PLEKHA2: variants seen among roughly 807,000 people sequenced by gnomAD.
PLEKHA2 encodes pleckstrin homology domain-containing family A member 2.
PLEKHA2 carries 28 observed loss-of-function variants against 53.2 expected under a neutral mutation model. That is an observed-to-expected ratio of 0.53 (90% CI 0.39 to 0.72). The LOEUF is 0.72. PLEKHA2 is among the 30% of genes least tolerant of loss of function. The pLI, the probability that PLEKHA2 is intolerant of heterozygous loss-of-function variation, is 0.00. For missense variants in PLEKHA2, 426 were observed against 537.9 expected (o/e 0.79, Z 2.06); for synonymous variants, 193 against 196.4 (o/e 0.98, Z 0.14).
chr8:38,908,218 C>T (rs1484330352), intron 1 of PLEKHA2, among the ~76,000 whole-genome samples: 1 of 152,090 alleles, frequency 6.6e-6, no homozygotes, highest in South Asian at 2.1e-4. Context: ...TTCTTAAGAC[C>T]AGAGAGCAAG....
chr8:38,909,958 A>C (rs1184045131), intron 1 of PLEKHA2, among the ~76,000 whole-genome samples: 1 of 140,842 alleles, frequency 7.1e-6, no homozygotes, highest in African/African-American at 2.6e-5. Flanking sequence ...TCATTAAAAT[A>C]CTTTTTTTTT....
chr8:38,915,851 C>T (rs140199153), intron 1 of PLEKHA2, among the ~76,000 whole-genome samples: 1 of 152,056 alleles, frequency 6.6e-6, no homozygotes, highest in African/African-American at 2.4e-5. Flanking sequence ...AATTTTTGTG[C>T]GTACGTAGTA....
At chr8:38,947,343 A>G (rs1470649513) in intron 5 of PLEKHA2, among the ~76,000 whole-genome samples, 1 of 152,068 alleles carries the variant, frequency 6.6e-6, no homozygotes, top group Admixed American at 6.5e-5. Flanking sequence ...CCAGCTACTC[A>G]GGAGGCTGAG....
At position 38,946,149 on chromosome 8, in the gene PLEKHA2, T is replaced by C. The variant is rs764754859; in HGVS notation, c.273T>C (p.Tyr91=). ...TTATCAATGCCCTGTCTCAGAGATA[T>C]TTCCTTCAAGCCAATGATCAGAAAG... ...CFVINALSQR[Y]FLQANDQKDM... Residue 91 remains tyrosine (Y), a synonymous_variant, in exon 5 of 12, where the codon TAT becomes TAC. Transcript: ENST00000617275. 11 of 1,608,374 alleles carry C rather than the reference T, an allele frequency of 6.8e-6. No homozygotes were observed. The highest frequency in any genetic ancestry group is 1.1e-5 in the South Asian group (1 of 89,732).
chr8:38,942,770 A>G lies in PLEKHA2; in HGVS notation c.199-1019A>G, dbSNP rs1353519852. On this transcript the variant is annotated intron_variant, in intron 3 of 11. Coordinates refer to ENST00000617275, the MANE Select transcript of PLEKHA2 (RefSeq NM_021623.2). ...TTGAGCCTGAATGATGAGAGTTCAC[A>G]TATGCAGATACTCAGGAGTGTACAT... Among the ~76,000 whole-genome samples, 5 of 152,312 alleles carry G rather than the reference A, an allele frequency of 3.3e-5. 1 individual carries two copies. In the South Asian group the frequency reaches 8.3e-4, roughly 25 times the overall value.
chr8:38,907,932 T>G (rs1293254774), intron 1 of PLEKHA2, among the ~76,000 whole-genome samples: 1 of 152,012 alleles, frequency 6.6e-6, no homozygotes, highest in African/African-American at 2.4e-5. Context: ...TTGGCTCAAC[T>G]GCAACCTCCA....
intron 1 of PLEKHA2, among the ~76,000 whole-genome samples, chr8:38,911,335 C>T (rs773499167): frequency 6.6e-6 from 1 of 151,964 alleles, no homozygotes; most frequent in Non-Finnish European, 1.5e-5. Flanking sequence ...CTCCCAGGTT[C>T]AAGCAATTCT....
intron 10 of PLEKHA2, among the ~76,000 whole-genome samples, chr8:38,966,516 G>A (rs781750558): frequency 7.9e-5 from 12 of 152,308 alleles, no homozygotes; most frequent in South Asian, 6.2e-4. Context: ...ATGTAACACC[G>A]GGTGGGGCCC....
chr8:38,948,449 T>C (rs1448911902), intron 5 of PLEKHA2, among the ~76,000 whole-genome samples: 2 of 152,154 alleles, frequency 1.3e-5, no homozygotes, highest in Non-Finnish European at 2.9e-5. Context: ...CACTGAATGG[T>C]GGCCCAGAGA....
chr8:38,946,237 T>C lies in PLEKHA2; in HGVS notation c.345+16T>C, dbSNP rs377082190. On this transcript the variant is annotated intron_variant, in intron 5 of 11. Transcript: ENST00000617275. ...CAAGATCACCGTAAGTTTGGTTTCT[T>C]CTGTTTTCTGGTGGTAGTAAAAGTG... is the stretch of plus-strand genomic sequence containing the variant. The C allele has an allele frequency of 4.4e-5, 69 of 1,577,828 alleles. No individual in the cohort carries two copies. The highest frequency in any genetic ancestry group is 5.5e-5 in the Non-Finnish European group (64 of 1,159,166).
intron 4 of PLEKHA2, among the ~76,000 whole-genome samples, chr8:38,944,053 A>G (rs576953754): frequency 3.3e-5 from 5 of 151,500 alleles, no homozygotes; most frequent in Admixed American, 3.3e-4. Flanking sequence ...GACTAGTAAC[A>G]TTTCTGTTTT....
At chr8:38,917,431 T>C (rs1293909521) in intron 1 of PLEKHA2, among the ~76,000 whole-genome samples, 1 of 152,206 alleles carries the variant, frequency 6.6e-6, no homozygotes, top group Non-Finnish European at 1.5e-5. Context: ...TGCGAGCCAC[T>C]TCACAAGGTT....
intron 1 of PLEKHA2, among the ~76,000 whole-genome samples, chr8:38,913,705 G>A (rs943287728): frequency 3.3e-5 from 5 of 152,314 alleles, no homozygotes; most frequent in Non-Finnish European, 7.4e-5. Flanking sequence ...TTGTTCCTCC[G>A]TCATCCAGGG....
chr8:38,961,330 A>G (rs1835036092), intron 10 of PLEKHA2, among the ~76,000 whole-genome samples: 1 of 152,106 alleles, frequency 6.6e-6, no homozygotes, highest in Admixed American at 6.6e-5. Context: ...TGAGGTCAGG[A>G]GTTCGAGGTC....
At chr8:38,942,961 G>T (rs890970418) in intron 3 of PLEKHA2, among the ~76,000 whole-genome samples, 1 of 152,202 alleles carries the variant, frequency 6.6e-6, no homozygotes, top group Non-Finnish European at 1.5e-5. Context: ...AGGCCATCAG[G>T]GCAGATGTAA....
Position 38,922,308 on chromosome 8 carries a change from G to A in PLEKHA2, c.141+4238G>A, listed in dbSNP as rs11989858. ...TCGTGTGGCTTAGTTTTTTATCATAGTGTTTCCAGCATTTGATGAATATGT... is the reference window on the plus strand; with the variant it reads ...TCGTGTGGCTTAGTTTTTTATCATAATGTTTCCAGCATTTGATGAATATGT... On this transcript the variant is annotated intron_variant, in intron 2 of 11. Coordinates refer to ENST00000617275, the MANE Select transcript of PLEKHA2 (RefSeq NM_021623.2). The surrounding 1 kb of genome is among the most constrained non-coding windows in gnomAD (Gnocchi z 4.0). Among the ~76,000 whole-genome samples the A allele has an allele frequency of 9.6e-3, 1,469 of 152,274 alleles. 29 individuals carry two copies. The highest frequency in any genetic ancestry group is 0.034 in the African/African-American group (1,392 of 41,552).
chr8:38,966,849 T>G (rs1588281467), intron 10 of PLEKHA2, among the ~76,000 whole-genome samples: 1 of 152,134 alleles, frequency 6.6e-6, no homozygotes. Context: ...TACATGAATA[T>G]ATTGCCTTTT....
chr8:38,950,938 C>T lies in PLEKHA2; in HGVS notation c.434C>T (p.Ala145Val), dbSNP rs1564144322. 1.9e-6 allele frequency: 3 copies of T among 1,613,866 alleles called. No individual in the cohort carries two copies. The highest frequency in any genetic ancestry group is 2.5e-6 in the Non-Finnish European group (3 of 1,179,888). Residue 145 changes from alanine to valine, a missense_variant, in exon 6 of 12, where the codon GCC becomes GTC. Transcript: ENST00000617275. Reference protein sequence around the residue: ...PPALEKKPQVAYKTEIIGGVV... With the variant: ...PPALEKKPQVVYKTEIIGGVV... ...GCCCTGGAGAAGAAGCCACAGGTGGCCTACAAGACGGAGATCATTGGAGGG... is the reference window on the plus strand; with the variant it reads ...GCCCTGGAGAAGAAGCCACAGGTGGTCTACAAGACGGAGATCATTGGAGGG...
rs753593771 is a variant in PLEKHA2, at chr8:38,934,548, G to A, written c.142-1446G>A. Among the ~76,000 whole-genome samples, 26 of 152,166 alleles carry A rather than the reference G, an allele frequency of 1.7e-4. 1 individual carries two copies. Among genetic ancestry groups the A allele is most frequent in the Non-Finnish European group, 2.4e-4 (16 of 68,020 alleles). On this transcript the variant is annotated intron_variant, in intron 2 of 11. Transcript: ENST00000617275. ...ATGGACAGAGTCTCAGATTCACAGG[G>A]GGATGGTCTGCATTCGAAGCCCCAG...
Sources: allele counts gnomAD v4.1 joint callset (sites outside exome capture counted in the v4.1 genomes callset), GRCh38; gene constraint gnomAD v4.1.1; non-coding constraint Gnocchi (gnomAD v3.1); transcripts MANE v1.5; gene names NCBI Gene and HGNC (gene_info 2026-07-23, HGNC 2026-07-21).